Variants in SULF1 observed in about 807,000 individuals in gnomAD.
SULF1 encodes the protein sulfatase 1, also known as extracellular sulfatase Sulf-1.
SULF1 carries 46 observed loss-of-function variants against 110.5 expected under a neutral mutation model. The observed-to-expected ratio is 0.42, with a 90% CI of 0.33 to 0.53. SULF1 has a LOEUF of 0.53. SULF1 is among the 20% of genes least tolerant of loss of function. The pLI is 0.12. For missense variants in SULF1, 941 were observed against 1,094.2 expected (o/e 0.86, Z 1.98); for synonymous variants, 371 against 387.1 (o/e 0.96, Z 0.49).
At chr8:69,475,430 G>A (rs57620957) in intron 1 of SULF1, among the ~76,000 whole-genome samples, 20,207 of 151,786 alleles carry the variant, frequency 0.13, 1,793 homozygotes, top group East Asian at 0.48. Flanking sequence ...AAAAAATGTT[G>A]TCTATTCCCA....
intron 22 of SULF1, among the ~76,000 whole-genome samples, chr8:69,654,680 T>A (rs1418851225): frequency 6.6e-6 from 1 of 152,210 alleles, no homozygotes; most frequent in Non-Finnish European, 1.5e-5. Flanking sequence ...CATCCTCTCC[T>A]GCCCCCTCTC....
chr8:69,547,888 A>G (rs999939441), intron 3 of SULF1, among the ~76,000 whole-genome samples: 2 of 152,182 alleles, frequency 1.3e-5, no homozygotes, highest in Admixed American at 6.5e-5. Context: ...GGTAGTGTTA[A>G]TGCTTAGTCA....
intron 3 of SULF1, among the ~76,000 whole-genome samples, chr8:69,528,435 T>A (rs1812851124): frequency 6.6e-6 from 1 of 152,150 alleles, no homozygotes; most frequent in Non-Finnish European, 1.5e-5. Context: ...ATGGAAAAAG[T>A]GCAAAAATCC....
chr8:69,539,827 T>G (rs1297327199), intron 3 of SULF1, among the ~76,000 whole-genome samples: 2 of 152,108 alleles, frequency 1.3e-5, no homozygotes, highest in Non-Finnish European at 2.9e-5. Flanking sequence ...GGAAGTGGAG[T>G]TGGTTGGGCA....
chr8:69,613,280 T>G (rs1330772498), intron 13 of SULF1, among the ~76,000 whole-genome samples: 1 of 151,100 alleles, frequency 6.6e-6, no homozygotes, highest in Admixed American at 6.6e-5. Flanking sequence ...AGAAGTCAGG[T>G]AATGTGATGC....
intron 22 of SULF1, among the ~76,000 whole-genome samples, chr8:69,641,473 CAGTG>C (rs1295130520): frequency 1.3e-5 from 2 of 152,136 alleles, no homozygotes; most frequent in Non-Finnish European, 2.9e-5. Flanking sequence ...GGGCCACACA[CAGTG>C]GCTCACACCT....
At chr8:69,589,192 C>T in intron 8 of SULF1, 51 bp downstream of exon 8, 1 of 1,551,904 alleles carries the variant, frequency 6.4e-7, no homozygotes, top group Non-Finnish European at 8.8e-7. Flanking sequence ...TTTCCCTTTT[C>T]TCCTCATCCC....
At chr8:69,520,333 A>C (rs1267474740) in intron 3 of SULF1, among the ~76,000 whole-genome samples, 1 of 152,068 alleles carries the variant, frequency 6.6e-6, no homozygotes, top group Non-Finnish European at 1.5e-5. Flanking sequence ...TTTTTAGGTT[A>C]AGAACTCAGC....
At chr8:69,616,702 G>GTTTTTTTTT (rs35961171) in intron 13 of SULF1, among the ~76,000 whole-genome samples, 14 of 104,602 alleles carry the variant, frequency 1.3e-4, no homozygotes, top group African/African-American at 1.5e-4. Flanking sequence ...GTGCCCGGCC[G>GTTTTTTTTT]TTTTTTTTTT....
chr8:69,520,981 C>T lies in SULF1; in HGVS notation c.-134+19013C>T, dbSNP rs139951639. The stretch of plus-strand genomic sequence containing the variant: ...ATAGTAGTTACTAGAGACTGAGGCA[C>T]AGCAACACTTTCTTTCAGTATAAAA... On this transcript the variant is annotated intron_variant, in intron 3 of 22. Coordinates refer to ENST00000402687, the MANE Select transcript of SULF1 (RefSeq NM_001128205.2). Among the ~76,000 whole-genome samples, 84 of 152,240 alleles carry T rather than the reference C, an allele frequency of 5.5e-4. 1 individual carries two copies. Among genetic ancestry groups the T allele is most frequent in the African/African-American group, 1.9e-3 (80 of 41,554 alleles).
intron 5 of SULF1, 45 bp from the exon 6 acceptor site, chr8:69,575,925 C>A: frequency 1.3e-6 from 2 of 1,598,152 alleles, no homozygotes; most frequent in Non-Finnish European, 1.7e-6. Flanking sequence ...AATAGGCATT[C>A]ATGTGCTGCA....
chr8:69,584,208 C>A (rs142411641), intron 6 of SULF1, among the ~76,000 whole-genome samples: 317 of 152,254 alleles, frequency 2.1e-3, no homozygotes, highest in Middle Eastern at 0.01. Flanking sequence ...TCCATCCTGG[C>A]TGGGAAAGTC....
chr8:69,526,453 G>A (rs1812667941), intron 3 of SULF1, among the ~76,000 whole-genome samples: 1 of 151,428 alleles, frequency 6.6e-6, no homozygotes, highest in Non-Finnish European at 1.5e-5. Flanking sequence ...CAAAATATTT[G>A]TCTCCTAAAG....
chr8:69,618,620 G>A (rs2130532047), intron 13 of SULF1, among the ~76,000 whole-genome samples: 1 of 152,228 alleles, frequency 6.6e-6, no homozygotes, highest in African/African-American at 2.4e-5. Flanking sequence ...CTGCTTCTCT[G>A]GATGAAGATG....
chr8:69,566,759 G>A (rs1247571234), intron 5 of SULF1, among the ~76,000 whole-genome samples: 1 of 152,162 alleles, frequency 6.6e-6, no homozygotes, highest in East Asian at 1.9e-4. Context: ...GCTGAGGCAG[G>A]AGAATTGCTT....
At chr8:69,626,543 C>T (rs1378757536) in intron 15 of SULF1, among the ~76,000 whole-genome samples, 1 of 152,210 alleles carries the variant, frequency 6.6e-6, no homozygotes, top group African/African-American at 2.4e-5. Flanking sequence ...GGGTGGTGCT[C>T]GTCGGGGAGG....
chr8:69,646,938 A>ATTTTTTTT (rs532105097), intron 22 of SULF1, among the ~76,000 whole-genome samples: 13 of 97,756 alleles, frequency 1.3e-4, no homozygotes, highest in Non-Finnish European at 2.0e-4. Context: ...GAGCCCTGGA[A>ATTTTTTTT]TTTTTTTTTT....
intron 1 of SULF1, among the ~76,000 whole-genome samples, chr8:69,477,196 A>C (rs1809335513): frequency 6.6e-6 from 1 of 152,202 alleles, no homozygotes. Context: ...AAAAGAATAC[A>C]ATGCAGTCAA....
intron 19 of SULF1, among the ~76,000 whole-genome samples, chr8:69,633,818 C>T (rs974058145): frequency 1.3e-5 from 2 of 152,116 alleles, no homozygotes; most frequent in African/African-American, 4.8e-5. Context: ...ACTAGGCAGT[C>T]ATCTCTATTG....
Sources: allele counts gnomAD v4.1 joint callset (sites outside exome capture counted in the v4.1 genomes callset), GRCh38; gene constraint gnomAD v4.1.1; transcripts MANE v1.5; gene names NCBI Gene and HGNC (gene_info 2026-07-23, HGNC 2026-07-21).